OXNAD1: variants seen among roughly 807,000 people sequenced by gnomAD.
The protein encoded by OXNAD1 is oxidoreductase NAD-binding domain-containing protein 1.
Under a neutral mutation model 32.9 loss-of-function variants are expected in OXNAD1, and 34 were observed. The observed-to-expected ratio is 1.03, with a 90% confidence interval of 0.79 to 1.38. The LOEUF is 1.38. OXNAD1 is among the 40% of genes most tolerant of loss of function. The probability of loss-of-function intolerance (pLI) is 0.00; values close to 1 mark genes in which losing one functional copy is unlikely to be tolerated. For synonymous variants in OXNAD1, 134 were observed against 135.2 expected (o/e 0.99, Z 0.06); for missense variants, 407 against 379.4 (o/e 1.07, Z -0.60).
chr3:16,313,897 T>TAA (rs1205119644), intron 9 of OXNAD1, among the ~76,000 whole-genome samples: 1 of 152,206 alleles, frequency 6.6e-6, no homozygotes, highest in African/African-American at 2.4e-5. Flanking sequence ...TGCCTTTCTT[T>TAA]AAGCAGATTA....
intron 5 of OXNAD1, among the ~76,000 whole-genome samples, chr3:16,293,399 T>G (rs2066555788): frequency 6.6e-6 from 1 of 152,234 alleles, no homozygotes; most frequent in Non-Finnish European, 1.5e-5. Flanking sequence ...TTTGAATTTA[T>G]TAGTTCTAAT....
intron 4 of OXNAD1, among the ~76,000 whole-genome samples, chr3:16,285,179 G>A (rs941064510): frequency 3.3e-5 from 5 of 152,236 alleles, no homozygotes; most frequent in Admixed American, 3.3e-4. Context: ...ATACTTTGAG[G>A]TGGTGAGAGA....
At chr3:16,324,005 G>A (rs2069385771) in intron 9 of OXNAD1, among the ~76,000 whole-genome samples, 1 of 152,196 alleles carries the variant, frequency 6.6e-6, no homozygotes, top group Non-Finnish European at 1.5e-5. Context: ...GCGAGGGAGG[G>A]GCGACTCGTA....
downstream of OXNAD1, among the ~76,000 whole-genome samples, chr3:16,340,497 A>G (rs1182266303): frequency 2.0e-5 from 3 of 152,274 alleles, no homozygotes; most frequent in African/African-American, 4.8e-5. Context: ...TGGCTGAAAA[A>G]TTGATCAGAT....
chr3:16,342,173 C>A (rs567623182), downstream of OXNAD1, among the ~76,000 whole-genome samples: 1 of 152,080 alleles, frequency 6.6e-6, no homozygotes, highest in Non-Finnish European at 1.5e-5. This position sits in a 1 kb window ranked among gnomAD's most constrained non-coding sequence, Gnocchi z 4.0. Context: ...CACACCAATA[C>A]CCTGTACCTA....
At chr3:16,295,607 A>T (rs1444303659) in intron 6 of OXNAD1, among the ~76,000 whole-genome samples, 1 of 152,236 alleles carries the variant, frequency 6.6e-6, no homozygotes, top group Admixed American at 6.5e-5. Flanking sequence ...GAATGAGCTC[A>T]GAACAGATCA....
intron 4 of OXNAD1, among the ~76,000 whole-genome samples, chr3:16,282,388 C>T (rs2065808570): frequency 6.6e-6 from 1 of 151,568 alleles, no homozygotes; most frequent in African/African-American, 2.4e-5. Context: ...AAAAAGTGCT[C>T]CTGCATTTCT....
chr3:16,267,373 C>T (rs1396556971), intron 1 of OXNAD1, among the ~76,000 whole-genome samples: 2 of 152,192 alleles, frequency 1.3e-5, no homozygotes, highest in Non-Finnish European at 2.9e-5. Flanking sequence ...TTGATTCAGA[C>T]TTTTCAGTTG....
intron 4 of OXNAD1, chr3:16,275,166 C>T (rs896159665): frequency 1.1e-5 from 2 of 174,306 alleles, no homozygotes; most frequent in Admixed American, 1.1e-4. Context: ...CCAAAGACTT[C>T]AGTCTACCTA....
rs1168936019 is a variant in OXNAD1, at chr3:16,327,685, C to T, written c.*31-9427C>T. 3.3e-5 allele frequency among the ~76,000 whole-genome samples: 5 copies of T among 152,014 alleles called. No individual in the cohort carries two copies. In the South Asian group the frequency reaches 6.2e-4, roughly 19 times the overall value. On this transcript the variant is annotated intron_variant, in intron 9 of 9. Coordinates refer to the OXNAD1 transcript ENST00000435829. The surrounding 1 kb of genome is among the most constrained non-coding windows in gnomAD (Gnocchi z 4.2). ...CTGAGGCAGGAGAATGGCGTGAACCCGGGAGGTGGAGCTTGCAGTGAGCTG... is the reference window on the plus strand; with the variant it reads ...CTGAGGCAGGAGAATGGCGTGAACCTGGGAGGTGGAGCTTGCAGTGAGCTG...
downstream of OXNAD1, among the ~76,000 whole-genome samples, chr3:16,340,695 A>G (rs926907432): frequency 2.0e-5 from 3 of 152,256 alleles, no homozygotes; most frequent in Non-Finnish European, 4.4e-5. Flanking sequence ...CTCTGCAGTT[A>G]TAGATTTTAA....
Position 16,328,872 on chromosome 3 carries a change from C to CT in OXNAD1, c.*31-8235dup, listed in dbSNP as rs1482225796. On this transcript the variant is annotated intron_variant, in intron 9 of 9. Coordinates refer to the OXNAD1 transcript ENST00000435829. Reference sequence around the variant, plus strand: ...CTATCAGCTGTTGCCTCAAATCTAACTTTTTCCCATCATTCTCCATGAGAA... The same window carrying CT: ...CTATCAGCTGTTGCCTCAAATCTAACTTTTTTCCCATCATTCTCCATGAGAA... Among the ~76,000 whole-genome samples the CT allele has an allele frequency of 1.2e-4, 18 of 152,230 alleles. 1 individual carries two copies. Among genetic ancestry groups the CT allele is most frequent in the Admixed American group, 1.2e-3 (18 of 15,286 alleles).
chr3:16,308,080 T>C (rs763917655), downstream of OXNAD1, among the ~76,000 whole-genome samples: 46 of 152,218 alleles, frequency 3.0e-4, no homozygotes, highest in Non-Finnish European at 3.2e-4. The surrounding 1 kb of genome is among the most constrained non-coding windows in gnomAD (Gnocchi z 4.4). Flanking sequence ...GATAGGAACG[T>C]ATAAGACAAA....
rs923109470 is a variant in OXNAD1, at chr3:16,346,973, C to G, written c.*31-2203C>G. Among the ~76,000 whole-genome samples the G allele has an allele frequency of 6.6e-6, 1 of 152,208 alleles. No individual in the cohort carries two copies. The highest frequency in any genetic ancestry group is 2.4e-5 in the African/African-American group (1 of 41,456). On this transcript the variant is annotated intron_variant, in intron 9 of 9. Coordinates refer to the OXNAD1 transcript ENST00000606098. This position sits in a 1 kb window ranked among gnomAD's most constrained non-coding sequence, Gnocchi z 4.4. Reference sequence around the variant, plus strand: ...TGCTCAATGAGATGAGATGAACACCCCTACGGCTTAAGCCACTTTTAGTTG... The same window carrying G: ...TGCTCAATGAGATGAGATGAACACCGCTACGGCTTAAGCCACTTTTAGTTG...
At chr3:16,330,168 C>A (rs2070167652) in intron 9 of OXNAD1, among the ~76,000 whole-genome samples, 1 of 152,182 alleles carries the variant, frequency 6.6e-6, no homozygotes, top group Admixed American at 6.5e-5. Flanking sequence ...GCTGAAGGTT[C>A]AATCTCACGT....
chr3:16,324,947 T>TACAA (rs2069547055), intron 9 of OXNAD1, among the ~76,000 whole-genome samples: 1 of 152,170 alleles, frequency 6.6e-6, no homozygotes. Flanking sequence ...ACCAAGAGTG[T>TACAA]ACAAGGGTTC....
At chr3:16,328,905 T>C (rs1015242449) in intron 9 of OXNAD1, among the ~76,000 whole-genome samples, 2 of 152,210 alleles carry the variant, frequency 1.3e-5, no homozygotes, top group South Asian at 2.1e-4. Flanking sequence ...GAAAAAAATA[T>C]ATATTTTTAA....
At chr3:16,274,552 A>T (rs995033538) in intron 4 of OXNAD1, among the ~76,000 whole-genome samples, 2 of 152,292 alleles carry the variant, frequency 1.3e-5, no homozygotes, top group African/African-American at 2.4e-5. Context: ...TTCTAGTATT[A>T]TGAAAGTATG....
At chr3:16,325,460 C>T (rs1485247119) in intron 9 of OXNAD1, among the ~76,000 whole-genome samples, 1 of 152,214 alleles carries the variant, frequency 6.6e-6, no homozygotes, top group African/African-American at 2.4e-5. Context: ...TGGGCCTTCA[C>T]ATTCAAATAC....
Sources: allele counts gnomAD v4.1 joint callset (sites outside exome capture counted in the v4.1 genomes callset), GRCh38; gene constraint gnomAD v4.1.1; non-coding constraint Gnocchi (gnomAD v3.1); transcripts MANE v1.5; gene names NCBI Gene and HGNC (gene_info 2026-07-23, HGNC 2026-07-21).